The following CNBD1 variants were observed in gnomAD, a reference collection of about 807,000 sequenced individuals.
The protein encoded by CNBD1 is cyclic nucleotide-binding domain-containing protein 1.
CNBD1 carries 71 observed loss-of-function variants against 54.4 expected under a neutral mutation model. The observed-to-expected ratio is 1.30, with a 90% CI of 1.08 to 1.59. The LOEUF is 1.59. CNBD1 is among the 40% of genes most tolerant of loss of function. The pLI is 0.00. For synonymous variants in CNBD1, 182 were observed against 170.7 expected (o/e 1.07, Z -0.51); for missense variants, 659 against 518.0 (o/e 1.27, Z -2.64).
chr8:87,227,949 C>T lies in CNBD1; in HGVS notation c.578-8970C>T, dbSNP rs963810790. Among the ~76,000 whole-genome samples the T allele has an allele frequency of 3.7e-4, 56 of 149,936 alleles. 1 individual carries two copies. Among genetic ancestry groups the T allele is most frequent in the Middle Eastern group, 6.8e-3 (2 of 294 alleles). On this transcript the variant is annotated intron_variant, in intron 5 of 10. Transcript: ENST00000518476. Reference sequence around the variant, plus strand: ...GAGGCTTTGCTCATTTCTTTTTATTCTTTTTTCTCTAAACTTCCCTTCTCG... The same window carrying T: ...GAGGCTTTGCTCATTTCTTTTTATTTTTTTTTCTCTAAACTTCCCTTCTCG...
At chr8:86,881,486 G>C (rs889867987) in intron 1 of CNBD1, among the ~76,000 whole-genome samples, 10 of 152,022 alleles carry the variant, frequency 6.6e-5, no homozygotes, top group Admixed American at 2.0e-4. Flanking sequence ...TCTACAAGGA[G>C]AACTATAAAC....
chr8:87,387,339 A>C (rs368780051), downstream of CNBD1, among the ~76,000 whole-genome samples: 820 of 151,926 alleles, frequency 5.4e-3, 6 homozygotes, highest in African/African-American at 0.019. Context: ...AGACCCATCA[A>C]TGTGCTGTAT....
chr8:86,970,769 G>A (rs1166119373), intron 4 of CNBD1, among the ~76,000 whole-genome samples: 4 of 152,084 alleles, frequency 2.6e-5, no homozygotes, highest in Non-Finnish European at 5.9e-5. Flanking sequence ...CATCCATGTT[G>A]TTGCAAAGGA....
chr8:87,422,148 T>G lies in CNBD1; in HGVS notation c.214-6398T>G, dbSNP rs1375913144. 4.1e-5 allele frequency among the ~76,000 whole-genome samples: 6 copies of G among 147,360 alleles called. No homozygotes were observed. In the East Asian group the frequency reaches 5.8e-4, roughly 14 times the overall value. On this transcript the variant is annotated intron_variant, in intron 2 of 7. Coordinates refer to the CNBD1 transcript ENST00000521593. ...TTTGTTTTTTTCTTGTAAATTTGTT[T>G]GAGTTCATTGTAGATTCTGGATATT...
chr8:87,350,960 T>G (rs777892016), intron 8 of CNBD1, among the ~76,000 whole-genome samples: 17 of 152,128 alleles, frequency 1.1e-4, no homozygotes, highest in Non-Finnish European at 2.2e-4. Context: ...CTTTACAAGT[T>G]TGAAAGAATA....
intron 4 of CNBD1, among the ~76,000 whole-genome samples, chr8:87,138,995 G>T (rs1812317790): frequency 6.6e-6 from 1 of 152,192 alleles, no homozygotes; most frequent in Non-Finnish European, 1.5e-5. Context: ...TAAATTAACA[G>T]GTTAGAGAAG....
chr8:86,924,643 A>T (rs1240214911), intron 3 of CNBD1, among the ~76,000 whole-genome samples: 1 of 152,186 alleles, frequency 6.6e-6, no homozygotes, highest in East Asian at 1.9e-4. Context: ...TCTGAATTGA[A>T]TTATAAATAG....
intron 4 of CNBD1, among the ~76,000 whole-genome samples, chr8:87,029,177 T>G (rs2130590385): frequency 6.6e-6 from 1 of 152,328 alleles, no homozygotes; most frequent in African/African-American, 2.4e-5. Context: ...CTACTCCAAT[T>G]CCTCAATCTC....
At position 87,243,161 on chromosome 8, in the gene CNBD1, T is replaced by C. The variant is rs545077932; in HGVS notation, c.771+6049T>C. ...GAAGCCATGAGTATTTTATGCATACTGCCCAGTACATCTGAGGTTTTATCA... is the reference window on the plus strand; with the variant it reads ...GAAGCCATGAGTATTTTATGCATACCGCCCAGTACATCTGAGGTTTTATCA... On this transcript the variant is annotated intron_variant, in intron 6 of 10. Coordinates refer to ENST00000518476, the MANE Select transcript of CNBD1 (RefSeq NM_173538.3). 2.0e-5 allele frequency among the ~76,000 whole-genome samples: 3 copies of C among 152,346 alleles called. No individual in the cohort carries two copies. In the South Asian group the frequency reaches 6.2e-4, roughly 32 times the overall value.
intron 6 of CNBD1, among the ~76,000 whole-genome samples, chr8:87,281,553 T>G (rs1308406889): frequency 0.3 from 1,061 of 3,516 alleles, 14 homozygotes; most frequent in African/African-American, 0.47. Flanking sequence ...TATATATATA[T>G]ATATATATAT....
At chr8:86,915,021 T>C (rs1015294038) in intron 3 of CNBD1, among the ~76,000 whole-genome samples, 1 of 152,204 alleles carries the variant, frequency 6.6e-6, no homozygotes, top group Non-Finnish European at 1.5e-5. Flanking sequence ...CAGAGCCACC[T>C]GAACAGGGAA....
intron 4 of CNBD1, among the ~76,000 whole-genome samples, chr8:86,985,071 G>T (rs538013998): frequency 6.6e-6 from 1 of 152,176 alleles, no homozygotes; most frequent in Non-Finnish European, 1.5e-5. Context: ...CAGGTCTTTC[G>T]TGTGCTTTAC....
intron 1 of CNBD1, among the ~76,000 whole-genome samples, chr8:86,882,429 C>T (rs1808619176): frequency 6.6e-6 from 1 of 152,112 alleles, no homozygotes; most frequent in African/African-American, 2.4e-5. Flanking sequence ...AAAAGCTCAA[C>T]ATCACTGGTC....
chr8:87,317,623 T>A (rs1305749682), intron 8 of CNBD1, among the ~76,000 whole-genome samples: 1 of 151,968 alleles, frequency 6.6e-6, no homozygotes, highest in Non-Finnish European at 1.5e-5. Flanking sequence ...TTGTATTATT[T>A]GAATTGCCTT....
intron 10 of CNBD1, among the ~76,000 whole-genome samples, chr8:87,357,003 G>T (rs1483987184): frequency 6.6e-6 from 1 of 152,188 alleles, no homozygotes; most frequent in Non-Finnish European, 1.5e-5. Context: ...TACAGCATGG[G>T]CTACTGCTCC....
chr8:87,197,625 A>C (rs937531446), intron 4 of CNBD1, among the ~76,000 whole-genome samples: 1 of 152,212 alleles, frequency 6.6e-6, no homozygotes, highest in African/African-American at 2.4e-5. Context: ...TCATGTAGAA[A>C]GTCAGAAGGA....
At chr8:87,151,189 C>T (rs1245746112) in intron 4 of CNBD1, among the ~76,000 whole-genome samples, 2 of 152,184 alleles carry the variant, frequency 1.3e-5, no homozygotes, top group Non-Finnish European at 2.9e-5. Flanking sequence ...AAGATGTCAT[C>T]GTTTTCTGTC....
At chr8:87,170,517 G>T (rs1404572076) in intron 4 of CNBD1, among the ~76,000 whole-genome samples, 1 of 138,634 alleles carries the variant, frequency 7.2e-6, no homozygotes, top group Non-Finnish European at 1.7e-5. Flanking sequence ...GGAAAGGCTT[G>T]CAGTTTTTCC....
intron 6 of CNBD1, among the ~76,000 whole-genome samples, chr8:87,245,372 A>G (rs1398350272): frequency 6.6e-6 from 1 of 152,100 alleles, no homozygotes; most frequent in Non-Finnish European, 1.5e-5. Context: ...TTTTTTAATA[A>G]CATCATAAAA....
Sources: gnomAD v4.1 joint callset for allele counts (sites outside exome capture counted in the v4.1 genomes callset) on GRCh38, gnomAD v4.1.1 for gene constraint, MANE v1.5 for transcripts, NCBI Gene and HGNC (gene_info 2026-07-23, HGNC 2026-07-21) for gene names.